TVP23C: variants seen among roughly 807,000 people sequenced by gnomAD.
TVP23C encodes trans-golgi network vesicle protein 23 homolog C, also known as Golgi apparatus membrane protein TVP23 homolog C.
TVP23C carries 19 observed loss-of-function variants against 28.7 expected under a neutral mutation model. The ratio of observed to expected loss-of-function variants is 0.66; its 90% CI spans 0.46 to 0.97. The LOEUF is 0.97. Ranked by LOEUF, TVP23C falls within the 50% of genes least tolerant of loss-of-function variation. The pLI is 0.00. For missense variants in TVP23C, 186 were observed against 241.3 expected, an observed-to-expected ratio of 0.77 and a Z score of 1.52; for synonymous variants, 68 against 81.7, an observed-to-expected ratio of 0.83 and a Z score of 0.90.
At chr17:15,521,017 A>G (rs1365936055) in intron 5 of TVP23C, among the ~76,000 whole-genome samples, 1 of 151,836 alleles carries the variant, frequency 6.6e-6, no homozygotes, top group East Asian at 1.9e-4. Context: ...CACAAATAGA[A>G]AAGACCTCTA....
At chr17:15,521,016 A>G (rs947844233) in intron 5 of TVP23C, among the ~76,000 whole-genome samples, 1 of 151,858 alleles carries the variant, frequency 6.6e-6, no homozygotes. Context: ...CCACAAATAG[A>G]AAAGACCTCT....
downstream of TVP23C, among the ~76,000 whole-genome samples, chr17:15,533,060 G>A (rs1339601011): frequency 2.0e-5 from 3 of 152,194 alleles, no homozygotes; most frequent in Non-Finnish European, 2.9e-5. Context: ...ATCAATGACT[G>A]TAGACTAATG....
chr17:15,503,309 A>G, intron 5 of TVP23C: 1 of 1,429,280 alleles, frequency 7.0e-7, no homozygotes, highest in Non-Finnish European at 9.1e-7. Context: ...ACAGGCCGAG[A>G]TGGGAGGATC....
At chr17:15,522,993 A>C (rs75791427) in intron 5 of TVP23C, among the ~76,000 whole-genome samples, 18,882 of 152,160 alleles carry the variant, frequency 0.12, 1,269 homozygotes, top group Middle Eastern at 0.18. Flanking sequence ...CAATGTTAAA[A>C]GTGAAGTTAT....
At chr17:15,523,350 T>C (rs1435569603) in intron 5 of TVP23C, among the ~76,000 whole-genome samples, 1 of 145,014 alleles carries the variant, frequency 6.9e-6, no homozygotes, top group African/African-American at 2.6e-5. Flanking sequence ...CTCGCTCTGT[T>C]GCCAGGCTGG....
chr17:15,524,710 G>C (rs894112846), intron 5 of TVP23C, among the ~76,000 whole-genome samples: 4 of 122,902 alleles, frequency 3.3e-5, no homozygotes, highest in African/African-American at 1.4e-4. Flanking sequence ...GTCCCAGAGG[G>C]ATGCACACAG....
intron 5 of TVP23C, among the ~76,000 whole-genome samples, chr17:15,520,572 T>C (rs1244748049): frequency 6.7e-6 from 1 of 149,704 alleles, no homozygotes; most frequent in Non-Finnish European, 1.5e-5. Context: ...TTATTTTATG[T>C]ATCTTGTCCA....
Position 15,538,846 on chromosome 17 carries a change from GACC to G in TVP23C, c.*1563_*1565del. 4.1e-6 allele frequency: 4 copies of G among 985,820 alleles called. No homozygotes were observed. The South Asian group carries it at 1.9e-4, about 46-fold the overall frequency. The allele number at this position is 985,820 out of a possible 1,614,324, so 61.1% of individuals were successfully genotyped here. On this transcript the variant is annotated 3_prime_UTR_variant, in exon 6 of 6. Transcript: ENST00000518321. ...CATACATGAAAGTTACCCTAAGGTG[GACC>G]ACAGTAAAGGTATATTGGAGCCATG...
chr17:15,503,533 T>G (rs1981586812), intron 5 of TVP23C: 1 of 223,218 alleles, frequency 4.5e-6, no homozygotes, highest in Non-Finnish European at 8.6e-6. Context: ...TTTTGTTGCC[T>G]TATTATGTTC....
chr17:15,515,363 C>A (rs1223742547), intron 5 of TVP23C, among the ~76,000 whole-genome samples: 1 of 152,140 alleles, frequency 6.6e-6, no homozygotes, highest in Non-Finnish European at 1.5e-5. Flanking sequence ...CTCATGTAAG[C>A]GTCTGCTCCT....
chr17:15,533,122 C>T (rs1983013622), downstream of TVP23C, among the ~76,000 whole-genome samples: 1 of 152,178 alleles, frequency 6.6e-6, no homozygotes. Flanking sequence ...TATTTTTAAA[C>T]ATGTTTTATT....
intron 3 of TVP23C, among the ~76,000 whole-genome samples, chr17:15,548,332 A>T (rs1237328732): frequency 6.6e-6 from 1 of 152,022 alleles, no homozygotes; most frequent in Non-Finnish European, 1.5e-5. Flanking sequence ...ATGCCCAGCT[A>T]ATTTTGTATT....
intron 4 of TVP23C, among the ~76,000 whole-genome samples, chr17:15,546,647 A>G (rs1437094757): frequency 2.0e-5 from 3 of 148,128 alleles, no homozygotes; most frequent in Non-Finnish European, 4.5e-5. Context: ...TATTCTATCC[A>G]GCTGCACTCC....
At chr17:15,528,455 A>C (rs962044961) in intron 5 of TVP23C, among the ~76,000 whole-genome samples, 2 of 152,042 alleles carry the variant, frequency 1.3e-5, no homozygotes, top group African/African-American at 4.8e-5. Context: ...ATTTTGACCA[A>C]AGATTATACT....
intron 1 of TVP23C, among the ~76,000 whole-genome samples, chr17:15,560,625 G>A (rs1157606020): frequency 4.0e-5 from 6 of 148,842 alleles, no homozygotes; most frequent in Non-Finnish European, 3.0e-5. Flanking sequence ...GCACGATCTC[G>A]GCTCACTGCA....
chr17:15,525,474 G>A (rs892913096), intron 5 of TVP23C, among the ~76,000 whole-genome samples: 6 of 152,204 alleles, frequency 3.9e-5, no homozygotes, highest in African/African-American at 1.4e-4. Flanking sequence ...TACTGTGTGG[G>A]AATGTCTCAG....
intron 2 of TVP23C, among the ~76,000 whole-genome samples, chr17:15,554,128 C>T (rs972755104): frequency 3.9e-5 from 6 of 152,080 alleles, no homozygotes; most frequent in Non-Finnish European, 4.4e-5. Flanking sequence ...AATAAGGAAA[C>T]CGTATCTTAG....
chr17:15,546,558 T>C (rs1232857167), intron 4 of TVP23C, among the ~76,000 whole-genome samples: 1 of 150,434 alleles, frequency 6.6e-6, no homozygotes, highest in Non-Finnish European at 1.5e-5. Flanking sequence ...CACTATAGTG[T>C]AGCAGGCTAA....
downstream of TVP23C, among the ~76,000 whole-genome samples, chr17:15,536,088 G>A (rs1983142589): frequency 6.6e-6 from 1 of 152,036 alleles, no homozygotes; most frequent in African/African-American, 2.4e-5. Context: ...TACTAGGGAG[G>A]CTGAGGCAGG....
Sources: allele counts gnomAD v4.1 joint callset (sites outside exome capture counted in the v4.1 genomes callset), GRCh38; gene constraint gnomAD v4.1.1; transcripts MANE v1.5; gene names NCBI Gene and HGNC (gene_info 2026-07-23, HGNC 2026-07-21).